The following ASIC2 variants were observed in gnomAD, a reference collection of about 807,000 sequenced individuals.
ASIC2 encodes acid sensing ion channel subunit 2, also known as acid-sensing ion channel 2.
In ASIC2, 25 loss-of-function variants were observed where a neutral mutation model predicts 57.3. The observed-to-expected ratio is 0.44, with a 90% CI of 0.32 to 0.61. The LOEUF (loss-of-function observed/expected upper bound fraction) is 0.61. ASIC2 is among the 20% of genes least tolerant of loss of function. ASIC2 has a pLI of 0.06. For missense variants in ASIC2, 641 were observed against 738.1 expected (o/e 0.87, Z 1.52); for synonymous variants, 319 against 307.5 (o/e 1.04, Z -0.39).
intron 1 of ASIC2, among the ~76,000 whole-genome samples, chr17:33,415,936 C>T (rs995823875): frequency 6.6e-6 from 1 of 152,208 alleles, no homozygotes; most frequent in African/African-American, 2.4e-5. Flanking sequence ...TGGCATTGAG[C>T]TGCATTCAAT....
chr17:33,170,612 C>T lies in ASIC2; in HGVS notation c.709-58545G>A, dbSNP rs550476327. ...CCCAGATGTTTGTGCAGCTCTCTCA[C>T]GTAAATACCAAGAAGCCCTGTGCTT... is the stretch of plus-strand genomic sequence containing the variant. On this transcript the variant is annotated intron_variant, in intron 1 of 9. Coordinates refer to ENST00000225823, the MANE Select transcript of ASIC2 (RefSeq NM_183377.2). Among the ~76,000 whole-genome samples the T allele has an allele frequency of 1.1e-4, 16 of 152,226 alleles. No individual in the cohort carries two copies. In the South Asian group the frequency reaches 1.2e-3, roughly 12 times the overall value.
intron 1 of ASIC2, among the ~76,000 whole-genome samples, chr17:33,545,363 T>C (rs1292895451): frequency 1.3e-5 from 2 of 152,204 alleles, no homozygotes; most frequent in African/African-American, 4.8e-5. Flanking sequence ...CTGACAGTGA[T>C]TGAAAGACGT....
At chr17:33,756,166 T>C (rs1357045740) in intron 1 of ASIC2, among the ~76,000 whole-genome samples, 1 of 152,238 alleles carries the variant, frequency 6.6e-6, no homozygotes, top group Non-Finnish European at 1.5e-5. Context: ...GGCATGGCCT[T>C]CAGCCAGCCA....
chr17:34,044,327 C>G (rs1353661834), intron 1 of ASIC2, among the ~76,000 whole-genome samples: 1 of 152,100 alleles, frequency 6.6e-6, no homozygotes, highest in Non-Finnish European at 1.5e-5. Flanking sequence ...CCTTTACATA[C>G]AGTATTTTAG....
intron 1 of ASIC2, among the ~76,000 whole-genome samples, chr17:33,568,638 G>C (rs1318951796): frequency 6.6e-6 from 1 of 152,056 alleles, no homozygotes; most frequent in African/African-American, 2.4e-5. Flanking sequence ...TGAGGCTATA[G>C]GGATATATCT....
At chr17:33,576,129 G>A (rs1336891033) in intron 1 of ASIC2, among the ~76,000 whole-genome samples, 1 of 152,116 alleles carries the variant, frequency 6.6e-6, no homozygotes, top group Non-Finnish European at 1.5e-5. Flanking sequence ...AGTCCGCCTA[G>A]ACCAGACTGA....
chr17:33,080,916 G>A (rs2092110794), intron 3 of ASIC2, among the ~76,000 whole-genome samples: 1 of 152,138 alleles, frequency 6.6e-6, no homozygotes, highest in South Asian at 2.1e-4. Flanking sequence ...GATTATTTCT[G>A]GAATTTTCCA....
chr17:33,319,537 A>G (rs1042800068), intron 1 of ASIC2, among the ~76,000 whole-genome samples: 2 of 152,200 alleles, frequency 1.3e-5, no homozygotes, highest in Admixed American at 1.3e-4. Flanking sequence ...ATAGATGCAT[A>G]TATTTATGGG....
rs530973452 is a variant in ASIC2, at chr17:33,655,028, T to TCTTGACTGGC, written c.555+500940_555+500949dup. 4.1e-4 allele frequency among the ~76,000 whole-genome samples: 62 copies of TCTTGACTGGC among 152,278 alleles called. 1 individual carries two copies. The South Asian group carries it at 0.012, about 31-fold the overall frequency. ...CTTGAAAAAGCAGTCTTGGACAGTG[T>TCTTGACTGGC]CTTGACTGGCTCTTCTCTCAATCCC... is the stretch of plus-strand genomic sequence containing the variant. On this transcript the variant is annotated intron_variant, in intron 1 of 9. Coordinates refer to the ASIC2 transcript ENST00000359872.
At chr17:33,336,976 G>C (rs979108317) in intron 1 of ASIC2, among the ~76,000 whole-genome samples, 10 of 152,150 alleles carry the variant, frequency 6.6e-5, no homozygotes, top group Admixed American at 6.5e-5. Context: ...GGATTCATCA[G>C]GGTGCCTGGG....
intron 1 of ASIC2, among the ~76,000 whole-genome samples, chr17:33,226,204 T>C (rs1020006319): frequency 2.0e-5 from 3 of 152,176 alleles, no homozygotes; most frequent in Non-Finnish European, 4.4e-5. Flanking sequence ...TTACTTGTTA[T>C]TGGTTTGTTA....
chr17:33,836,067 T>TACAC (rs1394755442), intron 1 of ASIC2, among the ~76,000 whole-genome samples: 4 of 139,884 alleles, frequency 2.9e-5, no homozygotes, highest in Admixed American at 1.5e-4. Flanking sequence ...ATATTATATA[T>TACAC]ATACACACAC....
intron 3 of ASIC2, among the ~76,000 whole-genome samples, chr17:33,075,393 A>C (rs2092085466): frequency 6.6e-6 from 1 of 152,180 alleles, no homozygotes; most frequent in South Asian, 2.1e-4. Flanking sequence ...AAATGGACTA[A>C]TACAGGTGGG....
intron 8 of ASIC2, among the ~76,000 whole-genome samples, chr17:33,016,440 C>T (rs1239262675): frequency 2.0e-5 from 3 of 152,154 alleles, no homozygotes; most frequent in Non-Finnish European, 4.4e-5. Context: ...CCTGACACTG[C>T]ACACAATTCA....
At chr17:33,200,532 A>C (rs1181374899) in intron 1 of ASIC2, among the ~76,000 whole-genome samples, 1 of 152,222 alleles carries the variant, frequency 6.6e-6, no homozygotes, top group African/African-American at 2.4e-5. Flanking sequence ...TGCAGATGGA[A>C]GCTTCATCTT....
At chr17:33,410,297 C>T (rs1286800785) in intron 1 of ASIC2, among the ~76,000 whole-genome samples, 1 of 152,158 alleles carries the variant, frequency 6.6e-6, no homozygotes, top group African/African-American at 2.4e-5. Context: ...GTGTTTTGTG[C>T]TGAATTGGAC....
At chr17:33,022,720 C>T (rs2091841730) in intron 6 of ASIC2, among the ~76,000 whole-genome samples, 1 of 152,230 alleles carries the variant, frequency 6.6e-6, no homozygotes, top group South Asian at 2.1e-4. Context: ...TCCACTAGAA[C>T]TTGGCAGACA....
At chr17:33,831,474 G>A (rs1176916252) in intron 1 of ASIC2, among the ~76,000 whole-genome samples, 2 of 151,862 alleles carry the variant, frequency 1.3e-5, no homozygotes, top group Middle Eastern at 6.8e-3. Flanking sequence ...AGACCACACT[G>A]TCTTCCCTTA....
intron 1 of ASIC2, among the ~76,000 whole-genome samples, chr17:33,327,636 G>T (rs532367438): frequency 1.8e-4 from 28 of 152,234 alleles, no homozygotes; most frequent in Non-Finnish European, 8.8e-5. Flanking sequence ...TATATTCAAC[G>T]TAATACATGT....
Sources: gnomAD v4.1 joint callset for allele counts (sites outside exome capture counted in the v4.1 genomes callset) on GRCh38, gnomAD v4.1.1 for gene constraint, MANE v1.5 for transcripts, NCBI Gene and HGNC (gene_info 2026-07-23, HGNC 2026-07-21) for gene names.